PRR16: variants seen among roughly 807,000 people sequenced by gnomAD.
PRR16 encodes protein Largen.
PRR16 carries 6 observed loss-of-function variants against 18.2 expected under a neutral mutation model. That is an observed-to-expected ratio of 0.33 (90% CI 0.18 to 0.65). The LOEUF is 0.65. Ranked by LOEUF, PRR16 falls within the 30% of genes least tolerant of loss-of-function variation. PRR16 has a pLI of 0.74. For synonymous variants in PRR16, 151 were observed against 147.8 expected, an observed-to-expected ratio of 1.02 and a Z score of -0.16; for missense variants, 412 against 376.6, an observed-to-expected ratio of 1.09 and a Z score of -0.78.
intron 1 of PRR16, among the ~76,000 whole-genome samples, chr5:120,539,836 T>G (rs569760185): frequency 1.3e-5 from 2 of 152,126 alleles, no homozygotes; most frequent in Non-Finnish European, 2.9e-5. Context: ...AATATTAGGT[T>G]TTTTTTTCTT....
intron 1 of PRR16, among the ~76,000 whole-genome samples, chr5:120,619,228 C>A (rs923808621): frequency 6.6e-6 from 1 of 152,056 alleles, no homozygotes; most frequent in African/African-American, 2.4e-5. Flanking sequence ...ACTTATCAGA[C>A]AGACACATCT....
At chr5:120,750,900 T>G in the PRR16 span, among the ~76,000 whole-genome samples, 1 of 152,188 alleles carries the variant, frequency 6.6e-6, no homozygotes, top group East Asian at 1.9e-4. Flanking sequence ...TGCTAAACAT[T>G]AGAACTTATT....
the PRR16 span, among the ~76,000 whole-genome samples, chr5:120,772,693 C>T: frequency 6.6e-6 from 1 of 151,960 alleles, no homozygotes; most frequent in Non-Finnish European, 1.5e-5. Context: ...TGCAATTAGG[C>T]ACCAAATACC....
the PRR16 span, among the ~76,000 whole-genome samples, chr5:120,748,323 A>G: frequency 3.6e-4 from 55 of 152,108 alleles, no homozygotes; most frequent in African/African-American, 1.3e-3. Flanking sequence ...CTCTTCTAAA[A>G]CATATTTGCT....
At chr5:120,705,540 T>G in the PRR16 span, among the ~76,000 whole-genome samples, 1 of 152,106 alleles carries the variant, frequency 6.6e-6, no homozygotes, top group African/African-American at 2.4e-5. Context: ...TTTCTGTTCA[T>G]TATGTTTTTT....
chr5:120,790,917 A>G, the PRR16 span: 1 of 152,218 alleles, frequency 6.6e-6, no homozygotes, highest in African/African-American at 2.4e-5. Context: ...CATCTACAGA[A>G]TAACAATGAA....
chr5:120,560,076 T>C (rs1433589437), intron 1 of PRR16, among the ~76,000 whole-genome samples: 1 of 151,980 alleles, frequency 6.6e-6, no homozygotes, highest in Non-Finnish European at 1.5e-5. Flanking sequence ...TCATATAATC[T>C]ACAAACATGG....
At chr5:120,740,008 A>G in the PRR16 span, among the ~76,000 whole-genome samples, 1 of 152,204 alleles carries the variant, frequency 6.6e-6, no homozygotes, top group Non-Finnish European at 1.5e-5. Context: ...TTAAATGGTT[A>G]TATTATAACC....
intron 1 of PRR16, among the ~76,000 whole-genome samples, chr5:120,597,799 C>G (rs1389626692): frequency 6.6e-6 from 1 of 151,870 alleles, no homozygotes; most frequent in Admixed American, 6.6e-5. Flanking sequence ...CCTTCTAAAT[C>G]TTCTAAATAT....
At chr5:120,615,515 C>A (rs575190568) in intron 1 of PRR16, among the ~76,000 whole-genome samples, 15 of 150,546 alleles carry the variant, frequency 1.0e-4, no homozygotes, top group Non-Finnish European at 1.6e-4. Flanking sequence ...TCTGCTTCAG[C>A]ATTATAATTT....
At chr5:120,682,974 G>A (rs1169861053) in intron 1 of PRR16, among the ~76,000 whole-genome samples, 3 of 152,140 alleles carry the variant, frequency 2.0e-5, no homozygotes, top group South Asian at 2.1e-4. Flanking sequence ...TTTTAAGGAT[G>A]TGTCAGAGTT....
chr5:120,547,140 T>A (rs895096947), intron 1 of PRR16, among the ~76,000 whole-genome samples: 1 of 151,848 alleles, frequency 6.6e-6, no homozygotes, highest in Non-Finnish European at 1.5e-5. Context: ...AACTAGAGAT[T>A]CCTTTTGTCA....
chr5:120,617,002 T>C (rs1165974329), intron 1 of PRR16: 2 of 488,520 alleles, frequency 4.1e-6, no homozygotes, highest in African/African-American at 4.2e-5. Context: ...TCCCCATCCA[T>C]TCATAACCTC....
At chr5:120,630,048 C>G (rs1755002641) in intron 1 of PRR16, among the ~76,000 whole-genome samples, 1 of 152,022 alleles carries the variant, frequency 6.6e-6, no homozygotes, top group African/African-American at 2.4e-5. Context: ...TGATTTTCTT[C>G]TATCTGAGGA....
chr5:120,531,699 A>C (rs902920694), intron 1 of PRR16: 18 of 152,218 alleles, frequency 1.2e-4, no homozygotes, highest in Admixed American at 5.2e-4. Flanking sequence ...ATGATACTTC[A>C]CAACTCCCTA....
chr5:120,785,572 G>GTTTTTTTTTTTTTTTTTTT, the PRR16 span, among the ~76,000 whole-genome samples: 530 of 119,852 alleles, frequency 4.4e-3, 103 homozygotes, highest in Non-Finnish European at 5.3e-3. Flanking sequence ...TTTTGTTGTT[G>GTTTTTTTTTTTTTTTTTTT]TTGTTTTTTT....
intron 1 of PRR16, among the ~76,000 whole-genome samples, chr5:120,588,333 A>G (rs1044617854): frequency 6.6e-6 from 1 of 152,196 alleles, no homozygotes; most frequent in African/African-American, 2.4e-5. Flanking sequence ...GTAAAATGCT[A>G]TCAGCCTCTC....
intron 1 of PRR16, among the ~76,000 whole-genome samples, chr5:120,626,143 T>C (rs1275744889): frequency 6.6e-6 from 1 of 152,140 alleles, no homozygotes; most frequent in Non-Finnish European, 1.5e-5. Context: ...AACATGTGTA[T>C]ACCCATAAAA....
intron 1 of PRR16, among the ~76,000 whole-genome samples, chr5:120,578,319 G>A (rs1753148173): frequency 1.3e-5 from 2 of 152,132 alleles, no homozygotes; most frequent in South Asian, 4.2e-4. Flanking sequence ...TGTAGAACGT[G>A]GAGGTTTGTT....
Sources: gnomAD v4.1 joint callset for allele counts (sites outside exome capture counted in the v4.1 genomes callset) on GRCh38, gnomAD v4.1.1 for gene constraint, MANE v1.5 for transcripts, NCBI Gene and HGNC (gene_info 2026-07-23, HGNC 2026-07-21) for gene names.